Variants in TENM4 observed in about 807,000 individuals in gnomAD.
The protein encoded by TENM4 is teneurin transmembrane protein 4.
TENM4 carries 82 observed loss-of-function variants against 243.3 expected under a neutral mutation model. That is an observed-to-expected ratio of 0.34 (90% CI 0.28 to 0.40). The LOEUF (loss-of-function observed/expected upper bound fraction) is 0.40. Ranked by LOEUF, TENM4 falls within the 10% of genes least tolerant of loss-of-function variation. TENM4 has a pLI of 1.00. For missense variants in TENM4, 3,138 were observed against 3,673.3 expected (o/e 0.85, Z 3.77); for synonymous variants, 1,412 against 1,456.3 (o/e 0.97, Z 0.69).
chr11:79,156,319 C>T (rs1019138918), intron 3 of TENM4, among the ~76,000 whole-genome samples: 6 of 152,306 alleles, frequency 3.9e-5, no homozygotes, highest in Admixed American at 2.0e-4. Flanking sequence ...GAGTGATGTG[C>T]GAGGTGCTTG....
At chr11:79,197,236 C>A (rs1198545430) in intron 3 of TENM4, among the ~76,000 whole-genome samples, 2 of 151,702 alleles carry the variant, frequency 1.3e-5, no homozygotes, top group Non-Finnish European at 2.9e-5. Flanking sequence ...GGTATCATGC[C>A]CATTTGAGCG....
chr11:78,689,082 A>G (rs928218838), intron 28 of TENM4, among the ~76,000 whole-genome samples: 2 of 152,148 alleles, frequency 1.3e-5, no homozygotes, highest in Non-Finnish European at 2.9e-5. Flanking sequence ...AAAGGTATGT[A>G]TTATCTCTTT....
At chr11:79,243,573 C>G (rs965964969) in intron 2 of TENM4, among the ~76,000 whole-genome samples, 1 of 152,062 alleles carries the variant, frequency 6.6e-6, no homozygotes, top group Non-Finnish European at 1.5e-5. Context: ...AACAGAAACA[C>G]AAGAGGAGGG....
At chr11:79,256,576 C>A (rs761818118) in intron 2 of TENM4, among the ~76,000 whole-genome samples, 2 of 152,214 alleles carry the variant, frequency 1.3e-5, no homozygotes, top group Non-Finnish European at 2.9e-5. Context: ...GTGTCACCTA[C>A]AAGAGAACCA....
intron 22 of TENM4, among the ~76,000 whole-genome samples, chr11:78,728,703 G>T (rs1268648141): frequency 1.3e-5 from 2 of 152,182 alleles, no homozygotes. Context: ...TTTGCTGGAT[G>T]GTTACTCTTA....
intron 19 of TENM4, among the ~76,000 whole-genome samples, chr11:78,746,180 C>A (rs1216508276): frequency 6.6e-6 from 1 of 152,196 alleles, no homozygotes; most frequent in Admixed American, 6.5e-5. Flanking sequence ...AGTCCACGTT[C>A]CTCATGTACA....
intron 18 of TENM4, among the ~76,000 whole-genome samples, chr11:78,766,274 T>C (rs1856538074): frequency 2.0e-5 from 3 of 152,342 alleles, no homozygotes; most frequent in Admixed American, 6.5e-5. Context: ...GTGATCCTTA[T>C]AGCAGCCCTG....
intron 6 of TENM4, among the ~76,000 whole-genome samples, chr11:78,979,577 C>T (rs1052374718): frequency 2.6e-5 from 4 of 152,344 alleles, no homozygotes; most frequent in East Asian, 1.9e-4. Context: ...GTTGTACATG[C>T]ATGTGTGTCT....
chr11:78,673,528 G>A (rs1565326710), intron 30 of TENM4, among the ~76,000 whole-genome samples: 1 of 152,200 alleles, frequency 6.6e-6, no homozygotes, highest in Non-Finnish European at 1.5e-5. Context: ...ATGGGTGCAG[G>A]TCTAGGAATG....
In TENM4 at chr11:79,057,814, C is replaced by T. The variant is rs549088765; in HGVS notation, c.493+6924G>A. Reference sequence around the variant, plus strand: ...CTGCCACCCTATTCCCAGTTGCACGCGCTTATGTCCTAGCCTCATATGACA... The same window carrying T: ...CTGCCACCCTATTCCCAGTTGCACGTGCTTATGTCCTAGCCTCATATGACA... On this transcript the variant is annotated intron_variant, in intron 6 of 33. Transcript: ENST00000278550. Among the ~76,000 whole-genome samples, 237 of 152,232 alleles carry T rather than the reference C, an allele frequency of 1.6e-3. 1 individual carries two copies. The highest frequency in any genetic ancestry group is 1.7e-3 in the African/African-American group (71 of 41,534).
chr11:79,143,098 C>G (rs1317784216), intron 4 of TENM4, among the ~76,000 whole-genome samples: 3 of 152,100 alleles, frequency 2.0e-5, no homozygotes, highest in Non-Finnish European at 2.9e-5. Flanking sequence ...CTAGTTCAAC[C>G]ATTGTGGAAG....
intron 1 of TENM4, among the ~76,000 whole-genome samples, chr11:79,328,216 G>T (rs1857004997): frequency 6.6e-6 from 1 of 152,166 alleles, no homozygotes; most frequent in Non-Finnish European, 1.5e-5. Context: ...GTCCTACTTG[G>T]ATGTGATGGT....
intron 4 of TENM4, among the ~76,000 whole-genome samples, chr11:79,115,564 T>C (rs935745013): frequency 2.0e-5 from 3 of 152,200 alleles, no homozygotes; most frequent in Admixed American, 6.5e-5. Flanking sequence ...AATCTTATCC[T>C]CTAGCCTGAC....
Position 78,770,999 on chromosome 11 carries a change from A to G in TENM4, c.2532T>C (p.Asn844=). 1 of 1,583,918 alleles carries G rather than the reference A, an allele frequency of 6.3e-7. No homozygotes were observed. Among genetic ancestry groups the G allele is most frequent in the Non-Finnish European group, 8.6e-7 (1 of 1,165,072 alleles). Residue 844 remains asparagine, a synonymous_variant, in exon 18 of 34, where the codon AAT becomes AAC. Coordinates refer to ENST00000278550, the MANE Select transcript of TENM4 (RefSeq NM_001098816.3). The part of the protein sequence containing the change: ...METACGDSKD[N]DGDGLVDCMD... ...TGGGTGCCAGAGCCCTACCTCCATCATTGTCTTTGCTGTCACCGCAGGCAG... is the reference window on the plus strand; with the variant it reads ...TGGGTGCCAGAGCCCTACCTCCATCGTTGTCTTTGCTGTCACCGCAGGCAG...
At chr11:79,331,400 C>T (rs1857060209) in intron 1 of TENM4, among the ~76,000 whole-genome samples, 1 of 152,228 alleles carries the variant, frequency 6.6e-6, no homozygotes, top group East Asian at 1.9e-4. Context: ...TCTGTTGTTG[C>T]CTTATCTGTA....
chr11:78,978,974 T>C (rs1222078844), intron 6 of TENM4, among the ~76,000 whole-genome samples: 2 of 152,136 alleles, frequency 1.3e-5, no homozygotes, highest in African/African-American at 4.8e-5. Context: ...CTGGTGCACA[T>C]GGGCTGCATG....
At chr11:79,202,594 G>T (rs1863763691) in intron 3 of TENM4, among the ~76,000 whole-genome samples, 1 of 152,214 alleles carries the variant, frequency 6.6e-6, no homozygotes, top group Non-Finnish European at 1.5e-5. Flanking sequence ...TTTGGCGGTG[G>T]CTTGTTGTTT....
chr11:79,354,745 G>C (rs1277350684), intron 1 of TENM4, among the ~76,000 whole-genome samples: 2 of 152,050 alleles, frequency 1.3e-5, no homozygotes, highest in Non-Finnish European at 2.9e-5. Flanking sequence ...AATTAAAGTT[G>C]CACAGATATG....
intron 12 of TENM4, 124 bp downstream of exon 12, chr11:78,853,980 G>T: frequency 2.1e-6 from 2 of 957,670 alleles, no homozygotes; most frequent in Non-Finnish European, 3.0e-6. Flanking sequence ...AGGGTCTCGT[G>T]CCAAGCTCCA....
Sources: allele counts gnomAD v4.1 joint callset (sites outside exome capture counted in the v4.1 genomes callset), GRCh38; gene constraint gnomAD v4.1.1; transcripts MANE v1.5; gene names NCBI Gene and HGNC (gene_info 2026-07-23, HGNC 2026-07-21).